The following FILIP1 variants were observed in gnomAD, a reference collection of about 807,000 sequenced individuals.
FILIP1 encodes filamin-A-interacting protein 1.
FILIP1 carries 61 observed loss-of-function variants against 102.1 expected under a neutral mutation model. The ratio of observed to expected loss-of-function variants is 0.60; its 90% CI spans 0.49 to 0.74. FILIP1 has a LOEUF of 0.74. FILIP1 is among the 30% of genes least tolerant of loss of function. The pLI is 0.00. For synonymous variants in FILIP1, 491 were observed against 526.9 expected, an observed-to-expected ratio of 0.93 and a Z score of 0.93; for missense variants, 1,314 against 1,441.2, an observed-to-expected ratio of 0.91 and a Z score of 1.43.
intron 2 of FILIP1, among the ~76,000 whole-genome samples, chr6:75,390,499 T>C (rs2149656160): frequency 6.6e-6 from 1 of 152,170 alleles, no homozygotes; most frequent in East Asian, 1.9e-4. Flanking sequence ...AGGTTTCCAA[T>C]CATGGCAGAA....
At chr6:75,299,787 G>T (rs1405650301) in intron 6 of FILIP1, among the ~76,000 whole-genome samples, 3 of 152,168 alleles carry the variant, frequency 2.0e-5, no homozygotes, top group African/African-American at 7.2e-5. Flanking sequence ...TGGAAAGGAA[G>T]TTCAACATAT....
intron 1 of FILIP1, among the ~76,000 whole-genome samples, chr6:75,468,318 G>A (rs1345569990): frequency 6.6e-6 from 1 of 152,094 alleles, no homozygotes; most frequent in East Asian, 1.9e-4. Flanking sequence ...AAATATAATA[G>A]AGTTCTTTGT....
At chr6:75,322,618 A>G (rs891423762) in intron 4 of FILIP1, among the ~76,000 whole-genome samples, 5 of 152,216 alleles carry the variant, frequency 3.3e-5, no homozygotes, top group African/African-American at 9.6e-5. Flanking sequence ...ATGAATTAAT[A>G]GGTATTTTAA....
chr6:75,317,905 T>C (rs1773497029), intron 4 of FILIP1, among the ~76,000 whole-genome samples: 1 of 152,208 alleles, frequency 6.6e-6, no homozygotes, highest in African/African-American at 2.4e-5. Flanking sequence ...GGCCTGCCAA[T>C]GCCTTCTGCA....
intron 1 of FILIP1, among the ~76,000 whole-genome samples, chr6:75,472,006 A>G (rs1363069313): frequency 6.6e-6 from 1 of 152,142 alleles, no homozygotes; most frequent in Non-Finnish European, 1.5e-5. Context: ...TTTTATAAGG[A>G]GACTCTATTA....
chr6:75,433,241 A>G (rs1201907281), intron 1 of FILIP1, among the ~76,000 whole-genome samples: 1 of 152,216 alleles, frequency 6.6e-6, no homozygotes, highest in Non-Finnish European at 1.5e-5. Flanking sequence ...TAGATCCTTG[A>G]GGAATTGCCA....
chr6:75,313,179 C>T lies in FILIP1; in HGVS notation c.2653G>A (p.Glu885Lys). The T allele has an allele frequency of 6.2e-7, 1 of 1,614,108 alleles. No homozygotes were observed. Among genetic ancestry groups the T allele is most frequent in the Non-Finnish European group, 8.5e-7 (1 of 1,180,034 alleles). ...CTGGAATTTGTTCGGGGCCCTTTCT[C>T]CTGAGTGATGGAGGGGCCGTTTTCC... The part of the protein sequence containing the change: ...KRENGPSITQ[E>K]KGPRTNSSPG... Residue 885 changes from glutamate to lysine, a missense_variant, in exon 5 of 6, where the codon GAG becomes AAG. By Grantham distance (56) the Glu-to-Lys change is moderately conservative. Around this residue, in one of 3 missense-constraint regions of FILIP1, gnomAD observed 816 missense variants for 913.1 expected, o/e 0.89. Transcript: ENST00000237172. The surrounding 1 kb of genome is among the most constrained non-coding windows in gnomAD (Gnocchi z 4.2).
chr6:75,336,544 T>C (rs1304985450), intron 4 of FILIP1, among the ~76,000 whole-genome samples: 1 of 152,046 alleles, frequency 6.6e-6, no homozygotes, highest in East Asian at 1.9e-4. Flanking sequence ...GGACCGATTA[T>C]ACAATCAAGC....
At chr6:75,463,641 C>T (rs776612925) in intron 1 of FILIP1, among the ~76,000 whole-genome samples, 1 of 152,052 alleles carries the variant, frequency 6.6e-6, no homozygotes, top group Non-Finnish European at 1.5e-5. Flanking sequence ...ATATATTTGA[C>T]CTAGAAAACA....
chr6:75,489,392 C>CT (rs1415602846), intron 1 of FILIP1, among the ~76,000 whole-genome samples: 1 of 152,080 alleles, frequency 6.6e-6, no homozygotes, highest in Non-Finnish European at 1.5e-5. Flanking sequence ...ATACATTCTC[C>CT]TGCCTTTCCT....
intron 2 of FILIP1, chr6:75,363,135 G>A (rs1473055156): frequency 1.0e-5 from 5 of 495,870 alleles, no homozygotes; most frequent in African/African-American, 9.6e-5. Flanking sequence ...GCAGAAAAAA[G>A]GATTTGTGCT....
At chr6:75,484,321 T>C (rs116965340) in intron 1 of FILIP1, among the ~76,000 whole-genome samples, 3,746 of 152,250 alleles carry the variant, frequency 0.025, 93 homozygotes, top group Non-Finnish European at 0.04. Context: ...GTTTTGTAAC[T>C]TGAGCTGAGT....
intron 1 of FILIP1, among the ~76,000 whole-genome samples, chr6:75,473,075 T>G (rs1161291244): frequency 2.0e-5 from 3 of 152,192 alleles, no homozygotes; most frequent in African/African-American, 7.2e-5. Context: ...ACTTTTTCAG[T>G]TGCAGAGTGT....
intron 2 of FILIP1, among the ~76,000 whole-genome samples, chr6:75,371,503 A>C (rs1419773885): frequency 6.6e-6 from 1 of 152,240 alleles, no homozygotes; most frequent in Non-Finnish European, 1.5e-5. Flanking sequence ...ATCTCAAGGG[A>C]CCATGAATAG....
Position 75,313,710 on chromosome 6 carries a change from G to A in FILIP1, c.2122C>T (p.His708Tyr), listed in dbSNP as rs373828183. The change falls in exon 5 of 6, where the codon CAC becomes TAC. Residue 708 changes from histidine to tyrosine, a missense_variant. Physicochemically the swap from His to Tyr is moderately conservative, Grantham distance 83. This residue lies in a region of FILIP1 where 816 missense variants were observed against 913.1 expected (regional missense o/e 0.89). Coordinates refer to ENST00000237172, the MANE Select transcript of FILIP1 (RefSeq NM_015687.5). The surrounding 1 kb of genome is among the most constrained non-coding windows in gnomAD (Gnocchi z 4.2). ...EVVSQEAELR[H>Y]RFRLEEAKSR... ...TTAGCTTCTTCCAACCGAAATCTGT[G>A]TCTCAGTTCAGCTTCCTGGCTCACA... 2 of 1,563,112 alleles carry A rather than the reference G, an allele frequency of 1.3e-6. No homozygotes were observed. The highest frequency in any genetic ancestry group is 1.7e-6 in the Non-Finnish European group (2 of 1,160,078).
At chr6:75,393,698 C>T (rs917919696) in intron 2 of FILIP1, among the ~76,000 whole-genome samples, 1 of 152,140 alleles carries the variant, frequency 6.6e-6, no homozygotes, top group Admixed American at 6.6e-5. Context: ...TGGTTGTTAA[C>T]TCATTATCTC....
chr6:75,425,323 T>C (rs1302986746), intron 1 of FILIP1, among the ~76,000 whole-genome samples: 1 of 152,198 alleles, frequency 6.6e-6, no homozygotes, highest in Non-Finnish European at 1.5e-5. Context: ...AGCTTTGTGA[T>C]GAACTAATTA....
At chr6:75,441,622 A>T (rs1177834051) in intron 1 of FILIP1, among the ~76,000 whole-genome samples, 1 of 95,954 alleles carries the variant, frequency 1.0e-5, no homozygotes, top group Non-Finnish European at 2.0e-5. Context: ...GACCCCCCCG[A>T]CCTCCCTCCC....
chr6:75,488,736 T>C (rs1415686110), intron 1 of FILIP1, among the ~76,000 whole-genome samples: 1 of 152,164 alleles, frequency 6.6e-6, no homozygotes, highest in African/African-American at 2.4e-5. Context: ...TGCATAAGGT[T>C]TGTTGCCACT....
Sources: gnomAD v4.1 joint callset for allele counts (sites outside exome capture counted in the v4.1 genomes callset) on GRCh38, gnomAD v4.1.1 for gene constraint, gnomAD v4.1.1 regional missense constraint, Gnocchi (gnomAD v3.1) non-coding constraint, MANE v1.5 for transcripts, NCBI Gene and HGNC (gene_info 2026-07-23, HGNC 2026-07-21) for gene names.